The following RAB18 variants were observed in gnomAD, a reference collection of about 807,000 sequenced individuals.
RAB18 encodes the protein ras-related protein Rab-18.
A neutral mutation model predicts 28.5 loss-of-function variants in RAB18; 10 were observed. The ratio of observed to expected loss-of-function variants is 0.35; its 90% CI spans 0.22 to 0.60. The LOEUF is 0.60. Among genes scored for constraint, RAB18 ranks in the 20% least tolerant of loss-of-function variants. RAB18 has a pLI of 0.78. For missense variants in RAB18, 188 were observed against 244.2 expected, an observed-to-expected ratio of 0.77 and a Z score of 1.53; for synonymous variants, 93 against 86.9, an observed-to-expected ratio of 1.07 and a Z score of -0.39.
intron 2 of RAB18, chr10:27,510,157 T>A (rs939239517): frequency 2.5e-5 from 14 of 564,106 alleles, no homozygotes; most frequent in Non-Finnish European, 3.5e-5. Flanking sequence ...GATACTTTAT[T>A]AAAACTGCTA....
chr10:27,531,323 T>G (rs1323471142), intron 3 of RAB18, among the ~76,000 whole-genome samples: 1 of 152,012 alleles, frequency 6.6e-6, no homozygotes, highest in Non-Finnish European at 1.5e-5. Flanking sequence ...TATAAATGAC[T>G]GCAGATCCTC....
chr10:27,539,387 A>C lies in RAB18; in HGVS notation c.*1336A>C, dbSNP rs924300400. The C allele has an allele frequency of 4.7e-5, 14 of 296,772 alleles. No homozygotes were observed. Among genetic ancestry groups the C allele is most frequent in the Admixed American group, 4.0e-4 (8 of 19,984 alleles). The allele number at this position is 296,772 out of a possible 1,614,324, so 18.4% of individuals were successfully genotyped here. ...CATTTTTGTGAGTGACCACCTTTGCAATATGTTTGTTAATTTACTTCATGT... is the reference window on the plus strand; with the variant it reads ...CATTTTTGTGAGTGACCACCTTTGCCATATGTTTGTTAATTTACTTCATGT... On this transcript the variant is annotated 3_prime_UTR_variant, in exon 7 of 7. Coordinates refer to ENST00000356940, the MANE Select transcript of RAB18 (RefSeq NM_021252.5).
chr10:27,524,753 A>G (rs531894466), intron 2 of RAB18, among the ~76,000 whole-genome samples: 1 of 152,368 alleles, frequency 6.6e-6, no homozygotes, highest in South Asian at 2.1e-4. Flanking sequence ...CACTGCTGCT[A>G]CCAATTAAGA....
chr10:27,507,541 C>A (rs1431963910), intron 1 of RAB18, among the ~76,000 whole-genome samples: 1 of 141,780 alleles, frequency 7.1e-6, no homozygotes, highest in Non-Finnish European at 1.5e-5. Flanking sequence ...TGCCCCTTGC[C>A]TTCCCTTTTT....
chr10:27,532,454 T>C lies in RAB18; in HGVS notation c.187-53T>C, dbSNP rs540043146. ...TTGACTTTCTACTCTTAAACTAGTA[T>C]ATTGAAGGTCTATTTATACTTTGTT... On this transcript the variant is annotated intron_variant, in intron 3 of 6. Coordinates refer to ENST00000356940, the MANE Select transcript of RAB18 (RefSeq NM_021252.5). The C allele has an allele frequency of 1.2e-5, 16 of 1,300,526 alleles. No individual in the cohort carries two copies. The East Asian group carries it at 3.7e-4, about 30-fold the overall frequency. The allele number at this position is 1,300,526 out of a possible 1,614,324, so 80.6% of individuals were successfully genotyped here.
intron 3 of RAB18, 71 bp downstream of exon 3, chr10:27,526,960 T>A: frequency 6.8e-7 from 1 of 1,472,738 alleles, no homozygotes; most frequent in Non-Finnish European, 9.5e-7. Context: ...TTGATTTGTG[T>A]AGTGTTCTAG....
chr10:27,528,172 A>G, intron 3 of RAB18: 2 of 390,608 alleles, frequency 5.1e-6, no homozygotes, highest in Non-Finnish European at 1.0e-5. Context: ...GTAGTATCTG[A>G]GACTTGCTGG....
At chr10:27,535,396 T>C (rs535181637) in intron 6 of RAB18, among the ~76,000 whole-genome samples, 89 of 152,278 alleles carry the variant, frequency 5.8e-4, no homozygotes, top group Non-Finnish European at 1.0e-3. Context: ...CATCTCAGGC[T>C]GAGAGAGGAG....
intron 3 of RAB18, 27 bp downstream of exon 3, chr10:27,526,916 A>G (rs1834683961): frequency 6.3e-7 from 1 of 1,597,984 alleles, no homozygotes; most frequent in Non-Finnish European, 8.6e-7. Flanking sequence ...TGTATTTTTA[A>G]AATATTAAAC....
At chr10:27,526,145 G>T (rs542355935) in intron 2 of RAB18, among the ~76,000 whole-genome samples, 54 of 152,050 alleles carry the variant, frequency 3.6e-4, no homozygotes, top group Non-Finnish European at 6.6e-4. Context: ...ACATAAATTA[G>T]TACTTATAGA....
chr10:27,525,615 A>G lies in RAB18; in HGVS notation c.125-1213A>G, dbSNP rs867679729. ...TTTATATTTAGGTTTTTGTTGGGCT[A>G]TGTAATCAACACTGTCCTTTTACTA... On this transcript the variant is annotated intron_variant, in intron 2 of 6. Transcript: ENST00000356940. Among the ~76,000 whole-genome samples, 3 of 152,166 alleles carry G rather than the reference A, an allele frequency of 2.0e-5. No homozygotes were observed. The South Asian group carries it at 6.2e-4, about 32-fold the overall frequency.
intron 2 of RAB18, among the ~76,000 whole-genome samples, chr10:27,513,757 A>G (rs565327542): frequency 6.6e-6 from 1 of 152,302 alleles, no homozygotes; most frequent in South Asian, 2.1e-4. Context: ...CTCAGAGACA[A>G]CAAGAAACAC....
intron 2 of RAB18, among the ~76,000 whole-genome samples, chr10:27,524,891 T>G (rs942649034): frequency 6.6e-6 from 1 of 152,208 alleles, no homozygotes; most frequent in Admixed American, 6.5e-5. Flanking sequence ...CTGGGGACTT[T>G]AGGGGTCTGG....
rs1435173904 is a variant in RAB18 at position 27,533,901 on chromosome 10, T to C, written c.379-27T>C. The C allele has an allele frequency of 1.9e-6, 3 of 1,609,074 alleles. No individual in the cohort carries two copies. In the African/African-American group the frequency reaches 4.0e-5, roughly 22 times the overall value. On this transcript the variant is annotated intron_variant, in intron 5 of 6. Coordinates refer to ENST00000356940, the MANE Select transcript of RAB18 (RefSeq NM_021252.5). The stretch of plus-strand genomic sequence containing the variant: ...TTTTGGTTCTATATTTTGGTAGCCT[T>C]TCTTAATCATTGCATTTATATTTTA...
rs1415267726 is a variant in RAB18 at position 27,509,857 on chromosome 10, T to C, written c.69-18T>C. 6.2e-7 allele frequency: 1 copy of C among 1,606,790 alleles called. No homozygotes were observed. Among genetic ancestry groups the C allele is most frequent in the African/African-American group, 1.3e-5 (1 of 74,806 alleles). Reference sequence around the variant, plus strand: ...GAAAATTCAAGTTCCCAACCTGTCTTTTTAATATCTCTTTCAGCCTGCTCT... The same window carrying C: ...GAAAATTCAAGTTCCCAACCTGTCTCTTTAATATCTCTTTCAGCCTGCTCT... On this transcript the variant is annotated intron_variant, in intron 1 of 6. Coordinates refer to ENST00000356940, the MANE Select transcript of RAB18 (RefSeq NM_021252.5).
intron 4 of RAB18, 78 bp from the exon 5 acceptor site, chr10:27,533,657 A>T: frequency 2.6e-6 from 4 of 1,563,650 alleles, no homozygotes; most frequent in Non-Finnish European, 3.5e-6. Flanking sequence ...AGTAATGCTA[A>T]CTCCTAGCTA....
rs1461870813 is a variant in RAB18, at chr10:27,541,367, C to A, written c.*3316C>A. ...GTCTTTTTTTTTTTTTTTAATTTTT[C>A]TCTCCTCAGTTGGGAACATCTATCA... On this transcript the variant is annotated 3_prime_UTR_variant, in exon 7 of 7. Transcript: ENST00000356940. 7.0e-6 allele frequency: 3 copies of A among 426,724 alleles called. No individual in the cohort carries two copies. Among genetic ancestry groups the A allele is most frequent in the Admixed American group, 5.6e-5 (2 of 36,014 alleles). The allele number at this position is 426,724 out of a possible 1,614,324, so 26.4% of individuals were successfully genotyped here.
At position 27,541,299 on chromosome 10, in the gene RAB18, A is replaced by G. The variant is rs1169578555; in HGVS notation, c.*3248A>G. 2.2e-6 allele frequency: 1 copy of G among 453,596 alleles called. No individual in the cohort carries two copies. Among genetic ancestry groups the G allele is most frequent in the African/African-American group, 2.0e-5 (1 of 49,932 alleles). 28.1% of individuals were successfully genotyped at this position (453,596 alleles called of 1,614,324 possible). On this transcript the variant is annotated 3_prime_UTR_variant, in exon 7 of 7. Coordinates refer to ENST00000356940, the MANE Select transcript of RAB18 (RefSeq NM_021252.5). ...GAGAATAAATAGACATAGACAGGCT[A>G]GCTAAGTCAAGACTAGGGGCTAAGG...
In RAB18 at chr10:27,526,896, G is replaced by A; in HGVS notation, c.186+7G>A. On this transcript the variant is annotated splice_region_variant and intron_variant, in intron 3 of 6. Coordinates refer to ENST00000356940, the MANE Select transcript of RAB18 (RefSeq NM_021252.5). ...GGCTAAACTTGCAATATGGGTAAGA[G>A]TTTTTAAAATGTATTTTTAAAATAT... 6.2e-7 allele frequency: 1 copy of A among 1,610,060 alleles called. No individual in the cohort carries two copies. Among genetic ancestry groups the A allele is most frequent in the Non-Finnish European group, 8.5e-7 (1 of 1,176,884 alleles).
Sources: allele counts gnomAD v4.1 joint callset (sites outside exome capture counted in the v4.1 genomes callset), GRCh38; gene constraint gnomAD v4.1.1; transcripts MANE v1.5; gene names NCBI Gene and HGNC (gene_info 2026-07-23, HGNC 2026-07-21).